The following BMP2K variants were observed in gnomAD, a reference collection of about 807,000 sequenced individuals.
BMP2K encodes the protein BMP-2-inducible protein kinase.
Under a neutral mutation model 116.0 loss-of-function variants are expected in BMP2K, and 74 were observed. That is an observed-to-expected ratio of 0.64 (90% confidence interval 0.53 to 0.77). The LOEUF is 0.77. BMP2K is among the 30% of genes least tolerant of loss of function. The pLI, the probability that BMP2K is intolerant of heterozygous loss-of-function variation, is 0.00. For missense variants in BMP2K, 1,365 were observed against 1,403.6 expected (o/e 0.97, Z 0.44); for synonymous variants, 486 against 502.5 (o/e 0.97, Z 0.44).
chr4:78,778,638 CTATG>C (rs1186563869), intron 1 of BMP2K, among the ~76,000 whole-genome samples: 2 of 152,206 alleles, frequency 1.3e-5, no homozygotes, highest in African/African-American at 4.8e-5. Context: ...CTGGAATTGT[CTATG>C]TATAATCAGT....
intron 1 of BMP2K, among the ~76,000 whole-genome samples, chr4:78,819,094 G>C (rs1399932178): frequency 3.3e-5 from 5 of 152,086 alleles, no homozygotes; most frequent in Non-Finnish European, 2.9e-5. Context: ...TTGAATGAAT[G>C]AATCAATGAA....
intron 15 of BMP2K, among the ~76,000 whole-genome samples, chr4:78,889,146 G>A (rs1477401187): frequency 2.6e-5 from 4 of 151,280 alleles, no homozygotes; most frequent in East Asian, 2.0e-4. Context: ...GCGTGAACCC[G>A]GGAGGCGGAG....
intron 15 of BMP2K, among the ~76,000 whole-genome samples, chr4:78,891,875 C>T (rs1733457753): frequency 6.6e-6 from 1 of 152,094 alleles, no homozygotes; most frequent in African/African-American, 2.4e-5. Context: ...TAGTTTGATA[C>T]AGATTACTGA....
At chr4:78,828,991 G>T (rs986970325) in intron 2 of BMP2K, among the ~76,000 whole-genome samples, 1 of 152,170 alleles carries the variant, frequency 6.6e-6, no homozygotes, top group Non-Finnish European at 1.5e-5. Context: ...AGACCTTGGC[G>T]ATGACCTTGA....
intron 15 of BMP2K, among the ~76,000 whole-genome samples, chr4:78,892,112 T>G (rs1246944469): frequency 6.6e-6 from 1 of 152,208 alleles, no homozygotes; most frequent in Admixed American, 6.5e-5. Flanking sequence ...TCTCGTAAAA[T>G]GAGTTGGGAA....
chr4:78,911,997 C>T lies in BMP2K; in HGVS notation c.3450C>T (p.Asp1150=), dbSNP rs1230663124. ...AACAGTCCCAACCAGTCGAATTAGA[C>T]CCATTTGGTGCTGCTCCATTTCCTT... The part of the protein sequence containing the change: ...QSQQSQPVEL[D]PFGAAPFPSK... Residue 1150 remains aspartate, a synonymous_variant, in exon 16 of 16, where the codon GAC becomes GAT. Coordinates refer to ENST00000502613, the MANE Select transcript of BMP2K (RefSeq NM_198892.2). 1.9e-6 allele frequency: 3 copies of T among 1,613,464 alleles called. No homozygotes were observed. Among genetic ancestry groups the T allele is most frequent in the Admixed American group, 3.3e-5 (2 of 60,010 alleles).
intron 15 of BMP2K, among the ~76,000 whole-genome samples, chr4:78,902,024 T>A (rs180707233): frequency 6.6e-6 from 1 of 151,954 alleles, no homozygotes; most frequent in Non-Finnish European, 1.5e-5. Flanking sequence ...ATTTACAGAT[T>A]GTCAGTCCAA....
intron 15 of BMP2K, among the ~76,000 whole-genome samples, chr4:78,889,926 A>G (rs1733339488): frequency 6.6e-6 from 1 of 152,230 alleles, no homozygotes; most frequent in Non-Finnish European, 1.5e-5. Context: ...TCTAATGCTA[A>G]TGTTCATTTA....
chr4:78,860,190 G>A (rs561234602), intron 8 of BMP2K: 1 of 414,768 alleles, frequency 2.4e-6, no homozygotes, highest in Non-Finnish European at 4.7e-6. Context: ...AAGTCAGAAA[G>A]GTGGGAAGCG....
chr4:78,911,323 CCCAAAAGTGTAGATGTATTTGGCT>C lies in BMP2K; in HGVS notation c.2780_2803del (p.Lys927_Ser934del). Reference sequence around the variant, plus strand: ...TGAGGCACATACTATCCCTGGTTATCCCAAAAGTGTAGATGTATTTGGCTCCACTCCATTTCAGCCCTTCCTCAC... The same window carrying C: ...TGAGGCACATACTATCCCTGGTTATCCCACTCCATTTCAGCCCTTCCTCAC... On this transcript the variant is annotated inframe_deletion, in exon 16 of 16. Transcript: ENST00000502613. 6.2e-7 allele frequency: 1 copy of C among 1,613,914 alleles called. No individual in the cohort carries two copies. The highest frequency in any genetic ancestry group is 2.2e-5 in the East Asian group (1 of 44,848).
At chr4:78,834,872 A>G (rs939295425) in intron 3 of BMP2K, among the ~76,000 whole-genome samples, 34 of 152,208 alleles carry the variant, frequency 2.2e-4, no homozygotes, top group African/African-American at 7.7e-4. Flanking sequence ...ACTTATTTCC[A>G]TACACAATAT....
chr4:78,823,294 A>G (rs1055803000), intron 1 of BMP2K, among the ~76,000 whole-genome samples: 1 of 152,080 alleles, frequency 6.6e-6, no homozygotes. Flanking sequence ...GTGGGTGAGT[A>G]AGAATAGGTA....
At chr4:78,790,727 A>G (rs1010989732) in intron 1 of BMP2K, among the ~76,000 whole-genome samples, 2 of 152,300 alleles carry the variant, frequency 1.3e-5, no homozygotes, top group South Asian at 2.1e-4. Flanking sequence ...GAGCTTTTTC[A>G]TAAGTCAAAA....
intron 1 of BMP2K, among the ~76,000 whole-genome samples, chr4:78,800,862 G>A (rs996597970): frequency 2.0e-5 from 3 of 152,030 alleles, no homozygotes; most frequent in Non-Finnish European, 4.4e-5. Context: ...TGTAAATACC[G>A]AAATTGTATT....
chr4:78,816,954 G>A (rs1426164951), intron 1 of BMP2K, among the ~76,000 whole-genome samples: 2 of 152,182 alleles, frequency 1.3e-5, no homozygotes, highest in African/African-American at 4.8e-5. Context: ...CTGAAAGGAA[G>A]TCTAATTGTA....
At position 78,776,731 on chromosome 4, in the gene BMP2K, C is replaced by A; in HGVS notation, c.178+10C>A. 4 of 1,264,364 alleles carry A rather than the reference C, an allele frequency of 3.2e-6. No homozygotes were observed. The highest frequency in any genetic ancestry group is 4.0e-6 in the Non-Finnish European group (4 of 1,001,154). 78.3% of individuals were successfully genotyped at this position (1,264,364 alleles called of 1,614,324 possible). On this transcript the variant is annotated intron_variant, in intron 1 of 15. Transcript: ENST00000502613. ...GAGTCGCTGGCCGAAGGTACGGGCG[C>A]CCGGGGAGGCTCGGACAGGCAGGTG...
chr4:78,832,366 G>A (rs187500279), intron 2 of BMP2K, among the ~76,000 whole-genome samples: 69 of 152,140 alleles, frequency 4.5e-4, no homozygotes, highest in African/African-American at 1.5e-3. Context: ...GCTAAGAGGG[G>A]GATTTCTTAT....
At chr4:78,825,029 C>G (rs1467531403) in intron 1 of BMP2K, among the ~76,000 whole-genome samples, 1 of 152,046 alleles carries the variant, frequency 6.6e-6, no homozygotes, top group African/African-American at 2.4e-5. Context: ...ATAGTGAAGC[C>G]TCGTCTCTAC....
At chr4:78,799,820 T>A (rs1056618326) in intron 1 of BMP2K, among the ~76,000 whole-genome samples, 14 of 152,314 alleles carry the variant, frequency 9.2e-5, no homozygotes, top group South Asian at 2.1e-4. Flanking sequence ...TGGTTGAAGG[T>A]CCCTGCCTGC....
Sources: allele counts gnomAD v4.1 joint callset (sites outside exome capture counted in the v4.1 genomes callset), GRCh38; gene constraint gnomAD v4.1.1; transcripts MANE v1.5; gene names NCBI Gene and HGNC (gene_info 2026-07-23, HGNC 2026-07-21).